The following SEPSECS variants were observed in gnomAD, a reference collection of about 807,000 sequenced individuals.
SEPSECS encodes the protein O-phosphoseryl-tRNA(Sec) selenium transferase.
Under a neutral mutation model 52.1 loss-of-function variants are expected in SEPSECS, and 42 were observed. That is an observed-to-expected ratio of 0.81 (90% CI 0.63 to 1.04). The LOEUF (loss-of-function observed/expected upper bound fraction) is 1.04. Ranked by LOEUF, SEPSECS falls within the 50% of genes least tolerant of loss-of-function variation. The pLI is 0.00. For synonymous variants in SEPSECS, 216 were observed against 211.4 expected (o/e 1.02, Z -0.19); for missense variants, 590 against 610.6 (o/e 0.97, Z 0.36).
chr4:25,149,579 A>T (rs1712182431), intron 6 of SEPSECS, among the ~76,000 whole-genome samples: 1 of 152,226 alleles, frequency 6.6e-6, no homozygotes, highest in African/African-American at 2.4e-5. Context: ...TGTTAAGGGT[A>T]TTTGTTAGGG....
rs1371526602 is a variant in SEPSECS, at chr4:25,156,937, C to T, written c.307G>A (p.Ala103Thr). ...HGIGRSGDIS[A>T]VQPKAAGSSL... ...GAGCCTGCAGCTTTTGGTTGCACAG[C>T]AGAAATATCACCGGATCGTCCAATG... The change falls in exon 3 of 11, where the codon GCT becomes ACT. Residue 103 changes from alanine (A) to threonine (T), a missense_variant. Physicochemically the swap from Ala to Thr is moderately conservative, Grantham distance 58. Coordinates refer to ENST00000382103, the MANE Select transcript of SEPSECS (RefSeq NM_016955.4). 3 of 1,613,102 alleles carry T rather than the reference C, an allele frequency of 1.9e-6. No homozygotes were observed. In the South Asian group the frequency reaches 3.3e-5, roughly 18 times the overall value.
chr4:25,129,683 T>G lies in SEPSECS; in HGVS notation c.1027-2326A>C, dbSNP rs569667818. On this transcript the variant is annotated intron_variant, in intron 8 of 10. Coordinates refer to ENST00000382103, the MANE Select transcript of SEPSECS (RefSeq NM_016955.4). The stretch of plus-strand genomic sequence containing the variant: ...TGGGATTACACCTGGCCCTGGTCCC[T>G]CTTTCTTAACCCAATATTCCCATAC... Among the ~76,000 whole-genome samples the G allele has an allele frequency of 3.3e-5, 5 of 152,090 alleles. No individual in the cohort carries two copies. In the East Asian group the frequency reaches 9.8e-4, roughly 30 times the overall value.
At chr4:25,158,797 T>A in intron 2 of SEPSECS, 156 bp downstream of exon 2, 1 of 712,686 alleles carries the variant, frequency 1.4e-6, no homozygotes, top group South Asian at 1.8e-5. Flanking sequence ...ATTGTTTCCA[T>A]CTCCCTGTTG....
chr4:25,143,014 T>C lies in SEPSECS; in HGVS notation c.1026+1760A>G, dbSNP rs3796794. Among the ~76,000 whole-genome samples, 1,740 of 152,294 alleles carry C rather than the reference T, an allele frequency of 0.011. 74 individuals carry two copies. The East Asian group carries it at 0.12, about 10-fold the overall frequency. ...AACCACTGAAACAACTAAACTCTCA[T>C]AGAAGCAGATGACAAGTTTTCCTCA... is the stretch of plus-strand genomic sequence containing the variant. On this transcript the variant is annotated intron_variant, in intron 8 of 10. Coordinates refer to ENST00000382103, the MANE Select transcript of SEPSECS (RefSeq NM_016955.4).
In SEPSECS at chr4:25,121,881, T is replaced by C. The variant is rs929000192; in HGVS notation, c.*2050A>G. 2.0e-5 allele frequency: 3 copies of C among 152,200 alleles called. No individual in the cohort carries two copies. The highest frequency in any genetic ancestry group is 4.8e-5 in the African/African-American group (2 of 41,460). The allele number at this position is 152,200 out of a possible 1,614,324, so 9.4% of individuals were successfully genotyped here. ...GATACACTGCAGATGAGAAAACATT[T>C]GCTACTCTCCCAGCTCTGGCCTTTC... On this transcript the variant is annotated 3_prime_UTR_variant, in exon 11 of 11. Transcript: ENST00000382103.
At chr4:25,158,487 T>A (rs1712826201) in intron 2 of SEPSECS, among the ~76,000 whole-genome samples, 1 of 152,160 alleles carries the variant, frequency 6.6e-6, no homozygotes. Flanking sequence ...CACCTTTCCC[T>A]GTATCTATTG....
At position 25,152,040 on chromosome 4, in the gene SEPSECS, A is replaced by T; in HGVS notation, c.724T>A (p.Cys242Ser). ...ATATGTGGAATGTCATAATTAGCACAAATCACAGCCAGTTCTTCTAATCTA... is the reference window on the plus strand; with the variant it reads ...ATATGTGGAATGTCATAATTAGCACTAATCACAGCCAGTTCTTCTAATCTA... Reference protein sequence around the residue: ...PDRLEELAVICANYDIPHIVN... With the variant: ...PDRLEELAVISANYDIPHIVN... Residue 242 changes from cysteine to serine, a missense_variant, in exon 6 of 11, where the codon TGT (cysteine) becomes AGT (serine). By Grantham distance (112) the Cys-to-Ser change is moderately radical (BLOSUM62 -1). Coordinates refer to ENST00000382103, the MANE Select transcript of SEPSECS (RefSeq NM_016955.4). 1.9e-6 allele frequency: 3 copies of T among 1,585,240 alleles called. No individual in the cohort carries two copies. Among genetic ancestry groups the T allele is most frequent in the Non-Finnish European group, 2.6e-6 (3 of 1,153,848 alleles).
intron 8 of SEPSECS, among the ~76,000 whole-genome samples, chr4:25,136,371 T>G (rs557708232): frequency 2.0e-5 from 3 of 152,112 alleles, no homozygotes; most frequent in African/African-American, 7.2e-5. Flanking sequence ...GAATATAAAA[T>G]CAATGTGCAA....
intron 9 of SEPSECS, 43 bp downstream of exon 9, chr4:25,127,221 T>C (rs969368021): frequency 8.0e-7 from 1 of 1,243,446 alleles, no homozygotes; most frequent in Non-Finnish European, 1.2e-6. Flanking sequence ...CCTCCTAGAG[T>C]GGATCATAAG....
At chr4:25,144,476 C>G (rs1711833896) in intron 8 of SEPSECS, among the ~76,000 whole-genome samples, 1 of 151,698 alleles carries the variant, frequency 6.6e-6, no homozygotes, top group Admixed American at 6.6e-5. Context: ...CCTTTAAGTA[C>G]CTTTAAGTGA....
At chr4:25,140,686 A>C (rs1284021210) in intron 8 of SEPSECS, among the ~76,000 whole-genome samples, 2 of 152,240 alleles carry the variant, frequency 1.3e-5, no homozygotes, top group African/African-American at 4.8e-5. Flanking sequence ...TAAATGTATA[A>C]GGATGTATAT....
intron 3 of SEPSECS, 81 bp downstream of exon 3, chr4:25,156,775 G>T: frequency 1.3e-6 from 1 of 757,104 alleles, no homozygotes. Flanking sequence ...TTTTGGAAAG[G>T]GGCAATAATA....
chr4:25,135,736 G>A (rs1427857181), intron 8 of SEPSECS, among the ~76,000 whole-genome samples: 1 of 151,750 alleles, frequency 6.6e-6, no homozygotes, highest in Admixed American at 6.6e-5. Flanking sequence ...AAACCTGGCA[G>A]AAATTTTAAA....
chr4:25,145,673 G>T lies in SEPSECS; in HGVS notation c.805-540C>A, dbSNP rs368193634. Among the ~76,000 whole-genome samples, 7 of 152,198 alleles carry T rather than the reference G, an allele frequency of 4.6e-5. No individual in the cohort carries two copies. The South Asian group carries it at 6.2e-4, about 14-fold the overall frequency. ...TTTTTGACAACAAATGTCTACAATG[G>T]GTCCTATAACTATTAAGTGGTTTTA... On this transcript the variant is annotated intron_variant, in intron 6 of 10. Coordinates refer to ENST00000382103, the MANE Select transcript of SEPSECS (RefSeq NM_016955.4).
chr4:25,135,090 T>C (rs993612809), intron 8 of SEPSECS, among the ~76,000 whole-genome samples: 6 of 152,140 alleles, frequency 3.9e-5, no homozygotes, highest in African/African-American at 2.4e-5. Context: ...TAGCACTAAA[T>C]GCTCACATCA....
intron 5 of SEPSECS, among the ~76,000 whole-genome samples, chr4:25,153,774 C>T (rs570988251): frequency 5.9e-5 from 9 of 152,114 alleles, no homozygotes; most frequent in African/African-American, 1.9e-4. Flanking sequence ...TGCTCTTACT[C>T]AGAAATATTC....
intron 2 of SEPSECS, among the ~76,000 whole-genome samples, chr4:25,158,197 C>T (rs1712804511): frequency 6.6e-6 from 1 of 152,190 alleles, no homozygotes; most frequent in South Asian, 2.1e-4. Context: ...AAACTGTTAA[C>T]TGAAATTTTC....
At chr4:25,137,363 A>G (rs1215460495) in intron 8 of SEPSECS, among the ~76,000 whole-genome samples, 1 of 152,182 alleles carries the variant, frequency 6.6e-6, no homozygotes, top group East Asian at 1.9e-4. Context: ...AAACAAATTT[A>G]CAAGAAAAAA....
Position 25,124,029 on chromosome 4 carries a change from C to T in SEPSECS, c.1408G>A (p.Asp470Asn), listed in dbSNP as rs1171668637. The T allele has an allele frequency of 6.2e-7, 1 of 1,613,686 alleles. No individual in the cohort carries two copies. Among genetic ancestry groups the T allele is most frequent in the Admixed American group, 1.7e-5 (1 of 59,978 alleles). ...AVRKERSKES[D>N]DNYDKTEDVD... is the part of the protein sequence containing the mutation. Reference sequence around the variant, plus strand: ...TCTTCAGTTTTGTCATAATTGTCATCACTCTCTTTACTTCGTTCTTTTCTT... The same window carrying T: ...TCTTCAGTTTTGTCATAATTGTCATTACTCTCTTTACTTCGTTCTTTTCTT... Residue 470 changes from aspartate (D) to asparagine (N), a missense_variant, in exon 11 of 11, where the codon GAT becomes AAT. Coordinates refer to ENST00000382103, the MANE Select transcript of SEPSECS (RefSeq NM_016955.4).
Sources: allele counts gnomAD v4.1 joint callset (sites outside exome capture counted in the v4.1 genomes callset), GRCh38; gene constraint gnomAD v4.1.1; transcripts MANE v1.5; gene names NCBI Gene and HGNC (gene_info 2026-07-23, HGNC 2026-07-21).